Variants in RANBP2 observed in about 807,000 individuals in gnomAD.
RANBP2 encodes E3 SUMO-protein ligase RanBP2.
In RANBP2, 57 loss-of-function variants were observed where a neutral mutation model predicts 303.6. The ratio of observed to expected loss-of-function variants is 0.19; its 90% CI spans 0.15 to 0.23. The LOEUF (loss-of-function observed/expected upper bound fraction) is 0.23. Among genes scored for constraint, RANBP2 ranks in the 10% least tolerant of loss-of-function variants. The probability of loss-of-function intolerance (pLI) is 1.00; values close to 1 mark genes in which losing one functional copy is unlikely to be tolerated. For synonymous variants in RANBP2, 1,167 were observed against 1,301.5 expected, an observed-to-expected ratio of 0.90 and a Z score of 2.23; for missense variants, 3,138 against 3,780.8, an observed-to-expected ratio of 0.83 and a Z score of 4.46.
the RANBP2 span, among the ~76,000 whole-genome samples, chr2:109,380,553 T>C: frequency 5.9e-5 from 9 of 152,202 alleles, no homozygotes; most frequent in African/African-American, 2.2e-4. Context: ...CAAGACAGCT[T>C]AGTAAGTTTT....
At chr2:109,615,963 G>C in the RANBP2 span, 4 of 1,581,826 alleles carry the variant, frequency 2.5e-6, no homozygotes, top group Non-Finnish European at 2.6e-6. Flanking sequence ...CAGGGACCCA[G>C]AGCAGCCGCT....
At chr2:109,055,547 C>CT in the RANBP2 span, among the ~76,000 whole-genome samples, 1,610 of 151,282 alleles carry the variant, frequency 0.011, 32 homozygotes, top group African/African-American at 0.037. Flanking sequence ...CTTTTCTTTT[C>CT]TTTTCTTTTT....
chr2:108,755,652 C>G (rs1367066353), intron 17 of RANBP2, among the ~76,000 whole-genome samples: 1 of 152,090 alleles, frequency 6.6e-6, no homozygotes, highest in African/African-American at 2.4e-5. Context: ...TTCAGCCTCC[C>G]AAAGTGCTGG....
At chr2:108,953,528 G>A in the RANBP2 span, among the ~76,000 whole-genome samples, 4 of 152,164 alleles carry the variant, frequency 2.6e-5, no homozygotes, top group East Asian at 1.9e-4. Context: ...TAAGGCTCAC[G>A]GTCCTGTGCT....
At chr2:109,633,364 G>C in the RANBP2 span, among the ~76,000 whole-genome samples, 1 of 152,124 alleles carries the variant, frequency 6.6e-6, no homozygotes, top group Non-Finnish European at 1.5e-5. Context: ...CTGCCCTCCA[G>C]CCTGGGTGAC....
At chr2:109,059,659 T>C in the RANBP2 span, among the ~76,000 whole-genome samples, 1 of 151,510 alleles carries the variant, frequency 6.6e-6, no homozygotes, top group African/African-American at 2.4e-5. Context: ...CACCACTGCC[T>C]CTCCTCTGGC....
At chr2:109,485,581 A>G in the RANBP2 span, among the ~76,000 whole-genome samples, 1 of 152,260 alleles carries the variant, frequency 6.6e-6, no homozygotes, top group African/African-American at 2.4e-5. Flanking sequence ...TACCATTTGT[A>G]TAATGTTTTA....
chr2:109,667,148 TA>T, the RANBP2 span: 2 of 1,301,612 alleles, frequency 1.5e-6, no homozygotes, highest in Non-Finnish European at 2.2e-6. Flanking sequence ...TCCTGAGGCA[TA>T]AGAAACATTT....
chr2:109,320,184 C>T, the RANBP2 span, among the ~76,000 whole-genome samples: 1 of 152,192 alleles, frequency 6.6e-6, no homozygotes, highest in Non-Finnish European at 1.5e-5. Context: ...CCGTCACAGC[C>T]CTCGGCTTGC....
the RANBP2 span, among the ~76,000 whole-genome samples, chr2:109,112,039 A>G: frequency 1.3e-5 from 2 of 151,954 alleles, no homozygotes; most frequent in Non-Finnish European, 2.9e-5. Context: ...TCGTTGTTGG[A>G]CATTTGGGTT....
the RANBP2 span, among the ~76,000 whole-genome samples, chr2:109,182,364 C>T: frequency 1.5e-4 from 23 of 152,306 alleles, no homozygotes; most frequent in South Asian, 4.3e-3. Context: ...CATTAACCCA[C>T]TTAGGAAGGT....
chr2:109,280,388 C>T, the RANBP2 span, among the ~76,000 whole-genome samples: 40 of 152,164 alleles, frequency 2.6e-4, no homozygotes, highest in African/African-American at 9.7e-4. Context: ...AGCATCCCAC[C>T]TGAGTGCGCT....
chr2:108,751,646 C>A lies in RANBP2; in HGVS notation c.1574C>A (p.Thr525Lys). ...CTTCCTGTGTGTAAACAGCTTTGTACAGAAAGACAAAAATCTTGGTGGGAT... is the reference window on the plus strand; with the variant it reads ...CTTCCTGTGTGTAAACAGCTTTGTAAAGAAAGACAAAAATCTTGGTGGGAT... Reference protein sequence around the residue: ...LPLPVCKQLCTERQKSWWDAV... With the variant: ...LPLPVCKQLCKERQKSWWDAV... Residue 525 changes from threonine to lysine, a missense_variant, in exon 11 of 29, where the codon ACA (threonine) becomes AAA (lysine). This residue lies in a region of RANBP2 where 162 missense variants were observed against 286.9 expected (regional missense o/e 0.56). Coordinates refer to ENST00000283195, the MANE Select transcript of RANBP2 (RefSeq NM_006267.5). The A allele has an allele frequency of 6.2e-7, 1 of 1,611,386 alleles. No individual in the cohort carries two copies. Among genetic ancestry groups the A allele is most frequent in the East Asian group, 2.2e-5 (1 of 44,870 alleles).
At position 108,765,223 on chromosome 2, in the gene RANBP2, A is replaced by G. The variant is rs765841917; in HGVS notation, c.4684A>G (p.Arg1562Gly). Residue 1562 changes from arginine (R) to glycine (G), a missense_variant, in exon 20 of 29, where the codon AGA becomes GGA. By Grantham distance (125) the Arg-to-Gly change is moderately radical. Around this residue, in one of 20 missense-constraint regions of RANBP2, gnomAD observed 388 missense variants for 328.5 expected, o/e 1.18. Transcript: ENST00000283195. ...AGTGCGAAATGAAGCAAATGCTACAAGATGTGTTGCTTGTCAGAATCCGGA... is the reference window on the plus strand; with the variant it reads ...AGTGCGAAATGAAGCAAATGCTACAGGATGTGTTGCTTGTCAGAATCCGGA... ...CLVRNEANAT[R>G]CVACQNPDKP... 10 of 1,614,012 alleles carry G rather than the reference A, an allele frequency of 6.2e-6. No individual in the cohort carries two copies. The highest frequency in any genetic ancestry group is 1.3e-5 in the African/African-American group (1 of 74,928).
the RANBP2 span, among the ~76,000 whole-genome samples, chr2:109,075,689 G>T: frequency 6.7e-6 from 1 of 149,420 alleles, no homozygotes; most frequent in African/African-American, 2.4e-5. Flanking sequence ...AGACCATTAT[G>T]AACAATTATA....
the RANBP2 span, among the ~76,000 whole-genome samples, chr2:109,474,158 C>T: frequency 6.6e-6 from 1 of 152,202 alleles, no homozygotes; most frequent in East Asian, 1.9e-4. Context: ...GAAGCTTGGC[C>T]GCACCTGCGT....
At chr2:109,579,949 T>C in the RANBP2 span, among the ~76,000 whole-genome samples, 12 of 151,668 alleles carry the variant, frequency 7.9e-5, no homozygotes, top group South Asian at 2.5e-3. Flanking sequence ...GGTGAAACCC[T>C]GTCTCTACTA....
chr2:108,815,819 T>G, the RANBP2 span: 6 of 820,028 alleles, frequency 7.3e-6, no homozygotes, highest in Non-Finnish European at 1.1e-5. Context: ...AGCTCTGTCC[T>G]TAACACATTT....
At chr2:108,821,035 C>T in the RANBP2 span, among the ~76,000 whole-genome samples, 4 of 151,976 alleles carry the variant, frequency 2.6e-5, no homozygotes, top group Non-Finnish European at 5.9e-5. Flanking sequence ...AACTGTAAGT[C>T]TATGTTAGGG....
Sources: gnomAD v4.1 joint callset for allele counts (sites outside exome capture counted in the v4.1 genomes callset) on GRCh38, gnomAD v4.1.1 for gene constraint, gnomAD v4.1.1 regional missense constraint, MANE v1.5 for transcripts, NCBI Gene and HGNC (gene_info 2026-07-23, HGNC 2026-07-21) for gene names.